TMEM132B: variants seen among roughly 807,000 people sequenced by gnomAD.
The protein encoded by TMEM132B is transmembrane protein 132B.
Under a neutral mutation model 90.8 loss-of-function variants are expected in TMEM132B, and 18 were observed. The observed-to-expected ratio is 0.20, with a 90% CI of 0.14 to 0.29. The LOEUF (loss-of-function observed/expected upper bound fraction) is 0.29. Ranked by LOEUF, TMEM132B falls within the 10% of genes least tolerant of loss-of-function variation. The probability of loss-of-function intolerance (pLI) is 1.00; values close to 1 mark genes in which losing one functional copy is unlikely to be tolerated. For missense variants in TMEM132B, 1,096 were observed against 1,326.8 expected (o/e 0.83, Z 2.70); for synonymous variants, 504 against 523.3 (o/e 0.96, Z 0.50).
At chr12:125,452,528 A>G (rs1158760615) in intron 3 of TMEM132B, among the ~76,000 whole-genome samples, 1 of 152,220 alleles carries the variant, frequency 6.6e-6, no homozygotes, top group African/African-American at 2.4e-5. Flanking sequence ...TAGCTATTGA[A>G]CATTTTAAAT....
Position 125,387,796 on chromosome 12 carries a change from T to TATCCATCC in TMEM132B, c.960-27722_960-27715dup, listed in dbSNP as rs34127585. Among the ~76,000 whole-genome samples, 234 of 152,294 alleles carry TATCCATCC rather than the reference T, an allele frequency of 1.5e-3. 1 individual carries two copies. The highest frequency in any genetic ancestry group is 5.3e-3 in the African/African-American group (222 of 41,568). On this transcript the variant is annotated intron_variant, in intron 2 of 8. Coordinates refer to ENST00000682704, the MANE Select transcript of TMEM132B (RefSeq NM_001366854.1). ...TCCTCCTGTTTATTAATTTATCCGT[T>TATCCATCC]ATCCATCCATCCATCCATCCTTAAC...
At chr12:125,259,885 C>G (rs1874522267) in intron 1 of TMEM132B, among the ~76,000 whole-genome samples, 1 of 151,420 alleles carries the variant, frequency 6.6e-6, no homozygotes, top group African/African-American at 2.4e-5. Context: ...TGGCTTTGGG[C>G]TGAGCTCACT....
chr12:125,235,133 G>A (rs527696899), intron 1 of TMEM132B, among the ~76,000 whole-genome samples: 2 of 152,284 alleles, frequency 1.3e-5, no homozygotes, highest in Admixed American at 6.5e-5. Context: ...GACTCTGGAT[G>A]GTGGTGCCCC....
At chr12:125,243,010 C>CATATATATAT (rs763167605) in intron 1 of TMEM132B, among the ~76,000 whole-genome samples, 1,539 of 109,036 alleles carry the variant, frequency 0.014, 19 homozygotes, top group African/African-American at 0.027. Context: ...TCTCTTTCTT[C>CATATATATAT]ATATATATAT....
intron 1 of TMEM132B, among the ~76,000 whole-genome samples, chr12:125,292,663 G>A (rs1470257534): frequency 1.3e-5 from 2 of 152,226 alleles, no homozygotes; most frequent in Non-Finnish European, 2.9e-5. Flanking sequence ...TCCATTCCTT[G>A]CCTGTTTCCA....
At chr12:125,256,119 T>G (rs186284410) in intron 1 of TMEM132B, among the ~76,000 whole-genome samples, 11 of 152,358 alleles carry the variant, frequency 7.2e-5, no homozygotes, top group African/African-American at 2.6e-4. Context: ...AAGATCTTGC[T>G]GCAGCTGAAA....
chr12:125,427,739 T>A (rs2136391569), intron 3 of TMEM132B, among the ~76,000 whole-genome samples: 1 of 152,166 alleles, frequency 6.6e-6, no homozygotes, highest in African/African-American at 2.4e-5. Context: ...GAGGATAGAG[T>A]TTCTCTTAGA....
intron 2 of TMEM132B, among the ~76,000 whole-genome samples, chr12:125,381,250 G>A (rs551833361): frequency 3.3e-5 from 5 of 152,320 alleles, no homozygotes; most frequent in African/African-American, 7.2e-5. Flanking sequence ...TGCTGTACAA[G>A]TGCACGCAAG....
At chr12:125,262,318 C>G (rs2136111113) in intron 1 of TMEM132B, among the ~76,000 whole-genome samples, 1 of 150,516 alleles carries the variant, frequency 6.6e-6, no homozygotes, top group South Asian at 2.1e-4. Flanking sequence ...AGCTTGGATT[C>G]AGTCCAAAGA....
chr12:125,417,052 A>G (rs1347686061), intron 3 of TMEM132B, among the ~76,000 whole-genome samples: 2 of 152,172 alleles, frequency 1.3e-5, no homozygotes, highest in Non-Finnish European at 2.9e-5. Context: ...TGGATGGTGA[A>G]TCCAGCAGCA....
intron 2 of TMEM132B, among the ~76,000 whole-genome samples, chr12:125,392,036 G>A (rs1471484556): frequency 6.6e-6 from 1 of 152,122 alleles, no homozygotes; most frequent in Non-Finnish European, 1.5e-5. Context: ...CAAAGTGCGG[G>A]GATTACAGGC....
At chr12:125,479,876 A>C (rs545689781) in intron 3 of TMEM132B, among the ~76,000 whole-genome samples, 53 of 152,358 alleles carry the variant, frequency 3.5e-4, no homozygotes, top group African/African-American at 1.3e-3. Flanking sequence ...CTCCTCAGCA[A>C]ATGTAAAAGA....
intron 3 of TMEM132B, among the ~76,000 whole-genome samples, chr12:125,477,556 G>C (rs978139475): frequency 1.3e-5 from 2 of 151,942 alleles, no homozygotes; most frequent in African/African-American, 4.8e-5. Flanking sequence ...CTGTGGCACA[G>C]TTGTTACATT....
At chr12:125,243,032 T>TATATATATATATATAC (rs1215676534) in intron 1 of TMEM132B, among the ~76,000 whole-genome samples, 65 of 134,998 alleles carry the variant, frequency 4.8e-4, no homozygotes, top group African/African-American at 1.5e-3. Context: ...TATATATATA[T>TATATATATATATATAC]ACACACACAC....
intron 1 of TMEM132B, among the ~76,000 whole-genome samples, chr12:125,242,040 G>A (rs536822290): frequency 6.6e-6 from 1 of 152,302 alleles, no homozygotes; most frequent in South Asian, 2.1e-4. Flanking sequence ...GAATAACAAC[G>A]AGTATTTTCT....
Position 125,210,688 on chromosome 12 carries a change from G to A in TMEM132B, c.67+23822G>A, listed in dbSNP as rs532798332. ...GCTATATTTTGAAAATAGAGGGCTG[G>A]TGTGGTGGCTCATGCCTGTAATTCC... is the stretch of plus-strand genomic sequence containing the variant. On this transcript the variant is annotated intron_variant, in intron 1 of 8. Coordinates refer to ENST00000682704, the MANE Select transcript of TMEM132B (RefSeq NM_001366854.1). 1.3e-4 allele frequency among the ~76,000 whole-genome samples: 20 copies of A among 152,336 alleles called. No individual in the cohort carries two copies. The South Asian group carries it at 4.1e-3, about 32-fold the overall frequency.
At chr12:125,567,906 C>T (rs1031404062) in intron 4 of TMEM132B, among the ~76,000 whole-genome samples, 4 of 152,074 alleles carry the variant, frequency 2.6e-5, no homozygotes, top group Non-Finnish European at 5.9e-5. Flanking sequence ...TATTACTCAG[C>T]GCTGGAGCTG....
At chr12:125,401,505 T>C (rs1389034267) in intron 2 of TMEM132B, among the ~76,000 whole-genome samples, 2 of 152,088 alleles carry the variant, frequency 1.3e-5, no homozygotes, top group Non-Finnish European at 2.9e-5. Flanking sequence ...TTTGTCCAGA[T>C]CTGAAGGAGA....
Position 125,644,096 on chromosome 12 carries a change from C to T in TMEM132B, c.1458C>T (p.Ser486=), listed in dbSNP as rs1886697756. ...DVIKVSNNCD[S]IFVNGKEMKS... is the part of the protein sequence containing the mutation. ...CAAAGGTTTCCAACAACTGTGATTC[C>T]ATTTTTGTGAATGGGAAGGAAATGA... The change falls in exon 6 of 9, where the codon TCC becomes TCT. Residue 486 remains serine (S), a synonymous_variant. Transcript: ENST00000682704. 6.2e-6 allele frequency: 10 copies of T among 1,614,136 alleles called. No individual in the cohort carries two copies. The highest frequency in any genetic ancestry group is 8.5e-6 in the Non-Finnish European group (10 of 1,180,026).
Sources: allele counts gnomAD v4.1 joint callset (sites outside exome capture counted in the v4.1 genomes callset), GRCh38; gene constraint gnomAD v4.1.1; transcripts MANE v1.5; gene names NCBI Gene and HGNC (gene_info 2026-07-23, HGNC 2026-07-21).